NODAL: variants seen among roughly 807,000 people sequenced by gnomAD.
The protein encoded by NODAL is nodal growth differentiation factor.
A neutral mutation model predicts 34.0 loss-of-function variants in NODAL; 12 were observed. That is an observed-to-expected ratio of 0.35 (90% CI 0.23 to 0.57). The LOEUF (loss-of-function observed/expected upper bound fraction) is 0.57, where lower values mean the gene tolerates loss of function less well. Among genes scored for constraint, NODAL ranks in the 20% least tolerant of loss-of-function variants. The pLI, the probability that NODAL is intolerant of heterozygous loss-of-function variation, is 0.83. For synonymous variants in NODAL, 162 were observed against 186.4 expected (o/e 0.87, Z 1.07); for missense variants, 390 against 444.2 (o/e 0.88, Z 1.10).
At chr10:70,442,025 C>T (rs1845438179), upstream of NODAL, among the ~76,000 whole-genome samples, 1 of 152,218 alleles carries the variant, frequency 6.6e-6, no homozygotes, top group African/African-American at 2.4e-5. Flanking sequence ...CCTTACTCGA[C>T]CTCACCTGGG....
Position 70,432,620 on chromosome 10 carries a change from A to C in NODAL, c.*316T>G, listed in dbSNP as rs1167672955. On this transcript the variant is annotated 3_prime_UTR_variant, in exon 3 of 3. Transcript: ENST00000287139. ...TCACATACAGTTTCGGGGGGTTCAC[A>C]GGTTTTTAAAAAATCCAGTAAAGAA... The C allele has an allele frequency of 2.5e-6, 1 of 406,138 alleles. No individual in the cohort carries two copies. Among genetic ancestry groups the C allele is most frequent in the African/African-American group, 2.0e-5 (1 of 48,928 alleles). 25.2% of individuals were successfully genotyped at this position (406,138 alleles called of 1,614,324 possible).
At chr10:70,446,417 T>C (rs1232378525), upstream of NODAL, among the ~76,000 whole-genome samples, 1 of 152,150 alleles carries the variant, frequency 6.6e-6, no homozygotes, top group Non-Finnish European at 1.5e-5. Context: ...ACCAGGCACT[T>C]AGCATCCTGA....
upstream of NODAL, chr10:70,441,777 A>AC (rs908294324): frequency 1.7e-5 from 20 of 1,162,558 alleles, no homozygotes; most frequent in Non-Finnish European, 2.3e-5. Context: ...AGATCATATA[A>AC]CCCCCCTCCG....
In NODAL at chr10:70,435,823, C is replaced by T; in HGVS notation, c.354G>A (p.Lys118=). The change falls in exon 2 of 3, where the codon AAG becomes AAA. Residue 118 remains lysine, a synonymous_variant. Transcript: ENST00000287139. Reference sequence around the variant, plus strand: ...TGTCTGAAGCCTGCTCTGTGTCGGGCTTTGGCTGGTGGAAAATCTCAATGG... The same window carrying T: ...TGTCTGAAGCCTGCTCTGTGTCGGGTTTTGGCTGGTGGAAAATCTCAATGG... ...SLAIEIFHQP[K]PDTEQASDSC... 1 of 1,614,132 alleles carries T rather than the reference C, an allele frequency of 6.2e-7. No homozygotes were observed. The highest frequency in any genetic ancestry group is 8.5e-7 in the Non-Finnish European group (1 of 1,180,048).
chr10:70,440,855 C>T (rs1845421860), intron 1 of NODAL, among the ~76,000 whole-genome samples: 3 of 152,220 alleles, frequency 2.0e-5, no homozygotes, highest in Non-Finnish European at 4.4e-5. Flanking sequence ...GATCTCCGGG[C>T]CGTGAGCCCG....
At chr10:70,435,158 A>T in intron 2 of NODAL, 128 bp downstream of exon 2, 1 of 822,210 alleles carries the variant, frequency 1.2e-6, no homozygotes, top group Admixed American at 2.1e-5. Context: ...CTAGCACAGG[A>T]TCCTGGTACA....
chr10:70,443,782 TG>T (rs1384136165), upstream of NODAL, among the ~76,000 whole-genome samples: 1 of 151,728 alleles, frequency 6.6e-6, no homozygotes, highest in Non-Finnish European at 1.5e-5. Context: ...GAGGTTGCAG[TG>T]GGTCAAGATT....
rs1274045285 is a variant in NODAL at position 70,432,573 on chromosome 10, ACATGCACATAT to A, written c.*352_*362del. 3 of 352,308 alleles carry A rather than the reference ACATGCACATAT, an allele frequency of 8.5e-6. No individual in the cohort carries two copies. Among genetic ancestry groups the A allele is most frequent in the Non-Finnish European group, 1.7e-5 (3 of 180,716 alleles). The allele number at this position is 352,308 out of a possible 1,614,324, so 21.8% of individuals were successfully genotyped here. A position where few individuals can be genotyped will look rare whatever the true frequency, so the allele number is the denominator to read the frequency against. On this transcript the variant is annotated 3_prime_UTR_variant, in exon 3 of 3. Coordinates refer to ENST00000287139, the MANE Select transcript of NODAL (RefSeq NM_018055.5). ...GGTGACTTCATCCCACCTCCAAAAT[ACATGCACATAT>A]GTCTCAACTTTCACATACAGTTTCG...
Position 70,435,516 on chromosome 10 carries a change from G to A in NODAL, c.661C>T (p.Arg221Trp), listed in dbSNP as rs144444359. The A allele has an allele frequency of 5.0e-6, 8 of 1,613,884 alleles. No individual in the cohort carries two copies. The highest frequency in any genetic ancestry group is 5.9e-6 in the Non-Finnish European group (7 of 1,180,022). The change falls in exon 2 of 3, where the codon CGG becomes TGG. Residue 221 changes from arginine (R) to tryptophan (W), a missense_variant. Arg to Trp is a moderately radical substitution (Grantham distance 101). Transcript: ENST00000287139. ...TLLWEAESSWRAQEGQLSWEW... is the reference protein window; with the variant it reads ...TLLWEAESSWWAQEGQLSWEW... Reference sequence around the variant, plus strand: ...CAGGACAGCTGTCCCTCCTGGGCCCGCCAGGAGCTCTCGGCTTCCCACAGC... The same window carrying A: ...CAGGACAGCTGTCCCTCCTGGGCCCACCAGGAGCTCTCGGCTTCCCACAGC...
At chr10:70,436,510 A>AT in intron 1 of NODAL, 1 of 177,532 alleles carries the variant, frequency 5.6e-6, no homozygotes, top group Non-Finnish European at 1.1e-5. Context: ...GTGAGCCAAG[A>AT]CAGTGCCATT....
rs1367876884 is a variant in NODAL at position 70,435,540 on chromosome 10, G to A, written c.637C>T (p.Leu213=). Residue 213 remains leucine (L), a synonymous_variant, in exon 2 of 3, where the codon CTG becomes TTG. Transcript: ENST00000287139. ...CGCCAGGAGCTCTCGGCTTCCCACA[G>A]CAAGGTGGACCCACCCAGCTGCCTC... is the stretch of plus-strand genomic sequence containing the variant. ...EQRQLGGSTL[L]WEAESSWRAQ... is the part of the protein sequence containing the mutation. 1 of 1,614,072 alleles carries A rather than the reference G, an allele frequency of 6.2e-7. No homozygotes were observed. The highest frequency in any genetic ancestry group is 8.5e-7 in the Non-Finnish European group (1 of 1,180,040).
chr10:70,436,138 C>T lies in NODAL; in HGVS notation c.194-155G>A, dbSNP rs183849208. The stretch of plus-strand genomic sequence containing the variant: ...CAACTCTATGAGTTGGTAAGATTTT[C>T]GAGTCCCTTTTAGAGATGAGGAAAA... On this transcript the variant is annotated intron_variant, in intron 1 of 2. Transcript: ENST00000287139. 406 of 710,004 alleles carry T rather than the reference C, an allele frequency of 5.7e-4. 6 individuals are homozygous for T. The highest frequency in any genetic ancestry group is 4.8e-3 in the South Asian group (311 of 65,132). 44.0% of individuals were successfully genotyped at this position (710,004 alleles called of 1,614,324 possible).
At chr10:70,439,154 G>A (rs539202068) in intron 1 of NODAL, among the ~76,000 whole-genome samples, 21 of 152,248 alleles carry the variant, frequency 1.4e-4, no homozygotes, top group Non-Finnish European at 1.5e-4. Flanking sequence ...ACAGGTGCGC[G>A]CCACCATGCC....
rs376002393 is a variant in NODAL at position 70,441,659 on chromosome 10, G to A, written c.9C>T (p.Ala3=). 1.4e-4 allele frequency: 217 copies of A among 1,549,496 alleles called. No individual in the cohort carries two copies. Among genetic ancestry groups the A allele is most frequent in the Non-Finnish European group, 1.7e-4 (195 of 1,147,242 alleles). Residue 3 remains alanine, a synonymous_variant, in exon 1 of 3, where the codon GCC becomes GCT. Transcript: ENST00000287139. ...CGTGCAGAAGGAAGGGCAGGCAGTGGGCGTGCATGGTGGGCTGGCCAGGCC... is the reference window on the plus strand; with the variant it reads ...CGTGCAGAAGGAAGGGCAGGCAGTGAGCGTGCATGGTGGGCTGGCCAGGCC... MH[A]HCLPFLLHAW...
chr10:70,441,590 A>T lies in NODAL; in HGVS notation c.78T>A (p.Thr26=), dbSNP rs577685692. The T allele has an allele frequency of 1.9e-6, 3 of 1,561,916 alleles. No individual in the cohort carries two copies. The South Asian group carries it at 3.5e-5, about 18-fold the overall frequency. ...GCTGCCCCCGCGTACGCAGGAGCGC[A>T]GTGGCCACCGTCGCAGCACCCGCCT... ...LLQAGAATVA[T]ALLRTRGQPS... Residue 26 remains threonine (T), a synonymous_variant, in exon 1 of 3, where the codon ACT becomes ACA. Transcript: ENST00000287139.
chr10:70,435,099 A>G (rs1030964007), intron 2 of NODAL, 187 bp downstream of exon 2: 2 of 615,562 alleles, frequency 3.2e-6, no homozygotes, highest in Non-Finnish European at 5.8e-6. Context: ...ATGACCCCAT[A>G]CAGGCTCTAT....
upstream of NODAL, among the ~76,000 whole-genome samples, chr10:70,444,280 T>C (rs1845464506): frequency 6.6e-6 from 1 of 151,632 alleles, no homozygotes; most frequent in African/African-American, 2.4e-5. Context: ...ATTTAGAATT[T>C]GGTGAGAGGG....
upstream of NODAL, among the ~76,000 whole-genome samples, chr10:70,442,893 G>T (rs1589155004): frequency 6.6e-6 from 1 of 152,104 alleles, no homozygotes; most frequent in Admixed American, 6.5e-5. Context: ...GACCAGCCTG[G>T]TCAACATGGT....
Position 70,435,856 on chromosome 10 carries a change from G to C in NODAL, c.321C>G (p.Gly107=), listed in dbSNP as rs1438805685. ...LSSPVDLPTE[G]SLAIEIFHQP... ...GGTGGAAAATCTCAATGGCAAGTGA[G>C]CCCTCAGTGGGGAGGTCCACAGGGC... Residue 107 remains glycine, a synonymous_variant, in exon 2 of 3, where the codon GGC becomes GGG. Transcript: ENST00000287139. 2 of 1,614,148 alleles carry C rather than the reference G, an allele frequency of 1.2e-6. No homozygotes were observed. Among genetic ancestry groups the C allele is most frequent in the Admixed American group, 3.3e-5 (2 of 60,036 alleles).
Sources: gnomAD v4.1 joint callset for allele counts (sites outside exome capture counted in the v4.1 genomes callset) on GRCh38, gnomAD v4.1.1 for gene constraint, MANE v1.5 for transcripts, NCBI Gene and HGNC (gene_info 2026-07-23, HGNC 2026-07-21) for gene names.